MRTFB: variants seen among roughly 807,000 people sequenced by gnomAD.
MRTFB encodes myocardin related transcription factor B.
MRTFB carries 29 observed loss-of-function variants against 104.2 expected under a neutral mutation model. That is an observed-to-expected ratio of 0.28 (90% CI 0.21 to 0.38). MRTFB has a LOEUF of 0.38. Ranked by LOEUF, MRTFB falls within the 10% of genes least tolerant of loss-of-function variation. MRTFB has a pLI of 1.00. For missense variants in MRTFB, 1,270 were observed against 1,341.6 expected (o/e 0.95, Z 0.83); for synonymous variants, 535 against 519.5 (o/e 1.03, Z -0.41).
chr16:14,030,292 G>T, the MRTFB span, among the ~76,000 whole-genome samples: 6 of 152,144 alleles, frequency 3.9e-5, no homozygotes, highest in African/African-American at 1.4e-4. Context: ...GGGCAAAGCA[G>T]CCCTGTTCTG....
chr16:14,107,453 C>G (rs1008874497), intron 2 of MRTFB, among the ~76,000 whole-genome samples: 1 of 152,148 alleles, frequency 6.6e-6, no homozygotes, highest in African/African-American at 2.4e-5. Context: ...TTCATTTTAG[C>G]ACGAAGGGGT....
chr16:14,099,343 T>A (rs959792151), intron 2 of MRTFB, among the ~76,000 whole-genome samples: 7 of 151,750 alleles, frequency 4.6e-5, no homozygotes, highest in East Asian at 1.9e-4. Flanking sequence ...TAGTATTTTT[T>A]AAATTTTCAA....
chr16:14,139,610 G>C (rs1597035452), intron 2 of MRTFB, among the ~76,000 whole-genome samples: 1 of 152,046 alleles, frequency 6.6e-6, no homozygotes, highest in South Asian at 2.1e-4. Context: ...TACAATCTTG[G>C]TATTTACCAT....
intron 2 of MRTFB, among the ~76,000 whole-genome samples, chr16:14,093,136 AAAACC>A (rs1313884248): frequency 1.3e-5 from 2 of 152,166 alleles, no homozygotes. Context: ...TGTAGTCAGG[AAAACC>A]AAACCATTGG....
intron 3 of MRTFB, chr16:14,200,558 A>G: frequency 6.2e-7 from 1 of 1,605,908 alleles, no homozygotes; most frequent in Non-Finnish European, 8.5e-7. Context: ...TATGGTAACA[A>G]TTATCTTGTT....
chr16:14,144,622 G>A (rs1427851075), intron 3 of MRTFB: 2 of 151,966 alleles, frequency 1.3e-5, no homozygotes, highest in Non-Finnish European at 2.9e-5. Flanking sequence ...ATTCCACAGT[G>A]CATACATATT....
At chr16:14,233,829 T>C (rs527567628) in intron 8 of MRTFB, among the ~76,000 whole-genome samples, 9 of 142,182 alleles carry the variant, frequency 6.3e-5, no homozygotes, top group African/African-American at 2.4e-4. Flanking sequence ...GTTTTGATCA[T>C]ATATACAAGT....
intron 15 of MRTFB, among the ~76,000 whole-genome samples, chr16:14,256,120 AAAAAG>A (rs1379688771): frequency 6.7e-6 from 1 of 148,418 alleles, no homozygotes; most frequent in African/African-American, 2.6e-5. Context: ...CAAAAAAAAA[AAAAAG>A]AAAGAAAGAA....
At chr16:14,230,370 C>T (rs1453546530) in intron 8 of MRTFB, among the ~76,000 whole-genome samples, 5 of 152,094 alleles carry the variant, frequency 3.3e-5, no homozygotes, top group African/African-American at 9.7e-5. Flanking sequence ...AGAAAATTTT[C>T]GCAACCTACT....
At chr16:14,174,007 G>GT (rs1567414075) in intron 3 of MRTFB, among the ~76,000 whole-genome samples, 1 of 151,858 alleles carries the variant, frequency 6.6e-6, no homozygotes, top group Non-Finnish European at 1.5e-5. Context: ...TATTATATTG[G>GT]TTTTACATTG....
chr16:14,244,576 A>T (rs945149315), intron 10 of MRTFB, among the ~76,000 whole-genome samples: 2 of 152,214 alleles, frequency 1.3e-5, no homozygotes, highest in African/African-American at 4.8e-5. Flanking sequence ...ACTTGGTATC[A>T]GTCTTACTCA....
chr16:14,240,383 C>T lies in MRTFB; in HGVS notation c.978C>T (p.Tyr326=), dbSNP rs377262419. Residue 326 remains tyrosine (Y), a synonymous_variant, in exon 10 of 17, where the codon TAC becomes TAT. Transcript: ENST00000571589. ...ATGAGCCGCAGATGGACTCTAACTA[C>T]GCCCGCCTGCTCCAGCAGCAGCAGC... ...EKNEPQMDSN[Y]ARLLQQQQLF... is the part of the protein sequence containing the mutation. The T allele has an allele frequency of 3.0e-5, 48 of 1,614,186 alleles. 1 individual carries two copies. The highest frequency in any genetic ancestry group is 7.7e-5 in the South Asian group (7 of 91,080).
chr16:14,265,944 G>A lies in MRTFB; in HGVS notation c.*4500G>A, dbSNP rs779659387. ...CAAAGTTTATAGAATACTGAAACTC[G>A]TAACAATTACCTCTCTACGTGATGC... On this transcript the variant is annotated 3_prime_UTR_variant, in exon 17 of 17. Coordinates refer to ENST00000571589, the MANE Select transcript of MRTFB (RefSeq NM_001308142.2). 1.3e-5 allele frequency: 2 copies of A among 152,174 alleles called. No homozygotes were observed. Among genetic ancestry groups the A allele is most frequent in the Admixed American group, 6.5e-5 (1 of 15,282 alleles). 9.4% of individuals were successfully genotyped at this position (152,174 alleles called of 1,614,324 possible).
chr16:14,197,789 A>G (rs1044329286), intron 3 of MRTFB, among the ~76,000 whole-genome samples: 2 of 152,174 alleles, frequency 1.3e-5, no homozygotes, highest in African/African-American at 2.4e-5. Context: ...GTAGTTACCA[A>G]ATTGTTAAAA....
chr16:14,214,491 A>G (rs2041330845), intron 6 of MRTFB, among the ~76,000 whole-genome samples: 1 of 152,218 alleles, frequency 6.6e-6, no homozygotes, highest in South Asian at 2.1e-4. Context: ...TTATAACTCA[A>G]CATAAGAAGT....
chr16:14,141,354 A>G (rs2037987197), intron 3 of MRTFB: 1 of 152,316 alleles, frequency 6.6e-6, no homozygotes, highest in South Asian at 2.1e-4. Flanking sequence ...CAGAAGACAC[A>G]ATACTGTCAA....
chr16:14,072,553 C>G (rs187856954), intron 1 of MRTFB, among the ~76,000 whole-genome samples: 1 of 152,168 alleles, frequency 6.6e-6, no homozygotes, highest in Non-Finnish European at 1.5e-5. Flanking sequence ...GGTGTGGTGG[C>G]GCACACCTGT....
the MRTFB span, among the ~76,000 whole-genome samples, chr16:14,057,608 G>T: frequency 6.6e-6 from 1 of 152,126 alleles, no homozygotes; most frequent in Non-Finnish European, 1.5e-5. Flanking sequence ...CTGGGACTTG[G>T]TTTTTTCCTT....
chr16:14,045,782 G>C, the MRTFB span, among the ~76,000 whole-genome samples: 2 of 152,166 alleles, frequency 1.3e-5, no homozygotes, highest in African/African-American at 2.4e-5. Flanking sequence ...GTGTCCATCA[G>C]GGCATACGTT....
Sources: gnomAD v4.1 joint callset for allele counts (sites outside exome capture counted in the v4.1 genomes callset) on GRCh38, gnomAD v4.1.1 for gene constraint, MANE v1.5 for transcripts, NCBI Gene and HGNC (gene_info 2026-07-23, HGNC 2026-07-21) for gene names.